CDH4: variants seen among roughly 807,000 people sequenced by gnomAD.
CDH4 encodes the protein cadherin 4.
CDH4 carries 33 observed loss-of-function variants against 86.0 expected under a neutral mutation model. The ratio of observed to expected loss-of-function variants is 0.38; its 90% CI spans 0.29 to 0.51. The LOEUF is 0.51. Ranked by LOEUF, CDH4 falls within the 20% of genes least tolerant of loss-of-function variation. The pLI is 0.86. For missense variants in CDH4, 1,114 were observed against 1,307.4 expected, an observed-to-expected ratio of 0.85 and a Z score of 2.28; for synonymous variants, 555 against 549.4, an observed-to-expected ratio of 1.01 and a Z score of -0.14.
intron 4 of CDH4, among the ~76,000 whole-genome samples, chr20:61,816,678 G>T (rs539981826): frequency 2.9e-5 from 4 of 138,622 alleles, no homozygotes; most frequent in Non-Finnish European, 6.6e-5. Context: ...TGGGTGAATC[G>T]CACGTTAAAT....
At chr20:61,615,207 C>G (rs1568714122) in intron 2 of CDH4, among the ~76,000 whole-genome samples, 1 of 151,952 alleles carries the variant, frequency 6.6e-6, no homozygotes, top group Non-Finnish European at 1.5e-5. Flanking sequence ...CTGCAGCCTC[C>G]ACATCCTGGG....
chr20:61,303,839 G>T (rs1411800585), intron 2 of CDH4, among the ~76,000 whole-genome samples: 1 of 152,246 alleles, frequency 6.6e-6, no homozygotes, highest in Admixed American at 6.5e-5. Context: ...AAGCTGGAAA[G>T]CGAGCCTTCA....
chr20:61,652,938 A>ATTTTTATTTTTTTTTTT (rs2087138479), intron 2 of CDH4, among the ~76,000 whole-genome samples: 7 of 97,442 alleles, frequency 7.2e-5, no homozygotes, highest in Non-Finnish European at 1.4e-4. Flanking sequence ...TTATTTATTT[A>ATTTTTATTTTTTTTTTT]TTTTTTTTTT....
chr20:61,637,369 T>C (rs1436256205), intron 2 of CDH4, among the ~76,000 whole-genome samples: 1 of 152,164 alleles, frequency 6.6e-6, no homozygotes, highest in Non-Finnish European at 1.5e-5. Context: ...ATCTGGGTGC[T>C]CAGTGCCCAC....
intron 2 of CDH4, among the ~76,000 whole-genome samples, chr20:61,705,385 G>T (rs1432273423): frequency 6.6e-6 from 1 of 152,248 alleles, no homozygotes; most frequent in East Asian, 1.9e-4. Flanking sequence ...CGCAGAGGGA[G>T]CACGTTCAGC....
intron 2 of CDH4, among the ~76,000 whole-genome samples, chr20:61,649,553 G>C (rs2087099883): frequency 6.6e-6 from 1 of 152,176 alleles, no homozygotes; most frequent in East Asian, 1.9e-4. Flanking sequence ...CTCTGCGGTG[G>C]AGACAGGGAA....
chr20:61,870,724 C>T (rs542690360), intron 6 of CDH4, among the ~76,000 whole-genome samples: 2 of 152,270 alleles, frequency 1.3e-5, no homozygotes, highest in African/African-American at 4.8e-5. Context: ...CGGTCACCAC[C>T]GACCCCCATG....
chr20:61,348,327 C>A (rs2084691292), intron 2 of CDH4, among the ~76,000 whole-genome samples: 1 of 152,164 alleles, frequency 6.6e-6, no homozygotes, highest in Non-Finnish European at 1.5e-5. Context: ...TATTCGCTAT[C>A]ACGAGAACAG....
rs1253147804 is a variant in CDH4, at chr20:61,516,377, C to T, written c.170-227186C>T. Among the ~76,000 whole-genome samples the T allele has an allele frequency of 3.9e-5, 6 of 152,172 alleles. No homozygotes were observed. The East Asian group carries it at 5.8e-4, about 15-fold the overall frequency. On this transcript the variant is annotated intron_variant, in intron 2 of 15. Transcript: ENST00000614565. The surrounding 1 kb of genome is among the most constrained non-coding windows in gnomAD (Gnocchi z 4.0). Reference sequence around the variant, plus strand: ...CAACATCTGTCACACACATACAGAGCCCCCGTCGGACGCTGCATGAGCTCA... The same window carrying T: ...CAACATCTGTCACACACATACAGAGTCCCCGTCGGACGCTGCATGAGCTCA...
At chr20:61,791,268 T>C (rs118114798) in intron 4 of CDH4, among the ~76,000 whole-genome samples, 3,645 of 152,352 alleles carry the variant, frequency 0.024, 62 homozygotes, top group Non-Finnish European at 0.035. Flanking sequence ...GAACACTACA[T>C]AAACTTTCTG....
intron 2 of CDH4, among the ~76,000 whole-genome samples, chr20:61,275,557 G>T (rs1354798503): frequency 7.4e-6 from 1 of 135,044 alleles, no homozygotes; most frequent in African/African-American, 3.0e-5. Flanking sequence ...TGCGCAGTTT[G>T]GGGGAGTACC....
At chr20:61,577,931 C>T (rs2086395945) in intron 2 of CDH4, among the ~76,000 whole-genome samples, 1 of 152,134 alleles carries the variant, frequency 6.6e-6, no homozygotes, top group African/African-American at 2.4e-5. Context: ...TCATTTCTCT[C>T]CTTAATGTCT....
chr20:61,820,650 C>T (rs770119938), intron 4 of CDH4, among the ~76,000 whole-genome samples: 2 of 152,310 alleles, frequency 1.3e-5, no homozygotes, highest in East Asian at 1.9e-4. Context: ...CCAGCATCGC[C>T]GCCCCCCATC....
chr20:61,606,886 G>C (rs931840558), intron 2 of CDH4, among the ~76,000 whole-genome samples: 3 of 152,260 alleles, frequency 2.0e-5, no homozygotes, highest in African/African-American at 7.2e-5. Context: ...CCAGCTCCAG[G>C]CTACCGCCGG....
chr20:61,585,688 ATGATTGTGGT>A, intron 2 of CDH4, among the ~76,000 whole-genome samples: 1 of 20,242 alleles, frequency 4.9e-5, no homozygotes, highest in African/African-American at 1.2e-4. Context: ...GGTGATGGTG[ATGATTGTGGT>A]CATGTGGAGG....
At chr20:61,792,849 C>T (rs1294963314) in intron 4 of CDH4, among the ~76,000 whole-genome samples, 6 of 152,174 alleles carry the variant, frequency 3.9e-5, no homozygotes, top group Admixed American at 1.3e-4. Flanking sequence ...CGAGGTTTCA[C>T]CATATTGGTC....
At chr20:61,520,401 A>G (rs928945433) in intron 2 of CDH4, among the ~76,000 whole-genome samples, 4 of 152,186 alleles carry the variant, frequency 2.6e-5, no homozygotes, top group Admixed American at 6.5e-5. Context: ...GTGTGACCTC[A>G]GGAAAGTCAC....
rs866028542 is a variant in CDH4, at chr20:61,655,467, C to T, written c.170-88096C>T. Among the ~76,000 whole-genome samples the T allele has an allele frequency of 5.3e-5, 8 of 152,224 alleles. No individual in the cohort carries two copies. In the South Asian group the frequency reaches 6.2e-4, roughly 12 times the overall value. On this transcript the variant is annotated intron_variant, in intron 2 of 15. Coordinates refer to ENST00000614565, the MANE Select transcript of CDH4 (RefSeq NM_001794.5). ...GGATCCAGTTAAAAGAAACGGCCATCGTTCCAGGCATGGCTGTCCCAGGAC... is the reference window on the plus strand; with the variant it reads ...GGATCCAGTTAAAAGAAACGGCCATTGTTCCAGGCATGGCTGTCCCAGGAC...
chr20:61,445,193 G>A (rs960600201), intron 2 of CDH4, among the ~76,000 whole-genome samples: 1 of 152,008 alleles, frequency 6.6e-6, no homozygotes, highest in Admixed American at 6.5e-5. Flanking sequence ...GATTGTATTC[G>A]AAGACTGTCA....
Sources: gnomAD v4.1 joint callset for allele counts (sites outside exome capture counted in the v4.1 genomes callset) on GRCh38, gnomAD v4.1.1 for gene constraint, Gnocchi (gnomAD v3.1) non-coding constraint, MANE v1.5 for transcripts, NCBI Gene and HGNC (gene_info 2026-07-23, HGNC 2026-07-21) for gene names.